Variants in LYRM4 observed in about 807,000 individuals in gnomAD.
LYRM4 encodes LYR motif-containing protein 4.
LYRM4 carries 9 observed loss-of-function variants against 11.7 expected under a neutral mutation model. The ratio of observed to expected loss-of-function variants is 0.77; its 90% CI spans 0.46 to 1.34. The LOEUF (loss-of-function observed/expected upper bound fraction) is 1.34, where lower values mean the gene tolerates loss of function less well. LYRM4 is among the 40% of genes most tolerant of loss of function. The pLI is 0.00. For synonymous variants in LYRM4, 42 were observed against 40.4 expected, an observed-to-expected ratio of 1.04 and a Z score of -0.15; for missense variants, 133 against 112.5, an observed-to-expected ratio of 1.18 and a Z score of -0.82.
chr6:5,050,413 C>T, the LYRM4 span, among the ~76,000 whole-genome samples: 12 of 151,244 alleles, frequency 7.9e-5, no homozygotes, highest in African/African-American at 2.7e-4. Flanking sequence ...GGTGTAGACA[C>T]GGAGGTGAGC....
rs568258726 is a variant in LYRM4, at chr6:5,251,619, G to A, written c.86+9029C>T. Among the ~76,000 whole-genome samples, 3 of 152,290 alleles carry A rather than the reference G, an allele frequency of 2.0e-5. No homozygotes were observed. In the East Asian group the frequency reaches 5.8e-4, roughly 29 times the overall value. ...TGAGGACAGTACCAAGGGGAATGGT[G>A]CTAAACTATTCATGAGAAACCTGCC... is the stretch of plus-strand genomic sequence containing the variant. On this transcript the variant is annotated intron_variant, in intron 1 of 2. Coordinates refer to ENST00000330636, the MANE Select transcript of LYRM4 (RefSeq NM_020408.6).
At chr6:5,190,863 C>T (rs1760711195) in intron 2 of LYRM4, among the ~76,000 whole-genome samples, 1 of 152,132 alleles carries the variant, frequency 6.6e-6, no homozygotes, top group Non-Finnish European at 1.5e-5. Flanking sequence ...GAGCCCGTGG[C>T]TTCAGGAACT....
chr6:5,149,777 C>T (rs763527606), intron 2 of LYRM4, among the ~76,000 whole-genome samples: 3 of 152,178 alleles, frequency 2.0e-5, no homozygotes, highest in Non-Finnish European at 4.4e-5. Flanking sequence ...ACATCAGATA[C>T]ACAATTCCAC....
intron 1 of LYRM4, among the ~76,000 whole-genome samples, chr6:5,222,928 A>C (rs1200026781): frequency 6.6e-6 from 1 of 152,214 alleles, no homozygotes; most frequent in Non-Finnish European, 1.5e-5. Flanking sequence ...CCTTCAGAAT[A>C]GGGCAAAGGT....
rs188878217 is a variant in LYRM4, at chr6:5,191,109, T to A, written c.207+25509A>T. On this transcript the variant is annotated intron_variant, in intron 2 of 2. Transcript: ENST00000330636. ...GCAACACTGTAATAGAAAAAAAAATTAGGGACCAAGTAAATATTCAACATT... is the reference window on the plus strand; with the variant it reads ...GCAACACTGTAATAGAAAAAAAAATAAGGGACCAAGTAAATATTCAACATT... Among the ~76,000 whole-genome samples the A allele has an allele frequency of 9.2e-5, 14 of 152,086 alleles. No homozygotes were observed. The East Asian group carries it at 2.7e-3, about 29-fold the overall frequency.
At chr6:5,185,803 T>C (rs1466427493) in intron 2 of LYRM4, among the ~76,000 whole-genome samples, 2 of 152,006 alleles carry the variant, frequency 1.3e-5, no homozygotes, top group African/African-American at 2.4e-5. Context: ...AGGTGTGTCA[T>C]GGCGGTGGAT....
chr6:5,067,063 C>A, the LYRM4 span: 5 of 341,784 alleles, frequency 1.5e-5, no homozygotes, highest in Non-Finnish European at 2.7e-5. Flanking sequence ...TTAATTATAT[C>A]ATTGAAACAT....
At chr6:5,089,524 A>C in the LYRM4 span, 1 of 152,262 alleles carries the variant, frequency 6.6e-6, no homozygotes, top group African/African-American at 2.4e-5. Flanking sequence ...ATGGTAACCC[A>C]TTAAATCTGG....
At chr6:5,229,241 A>T (rs1029192426) in intron 1 of LYRM4, among the ~76,000 whole-genome samples, 8 of 152,174 alleles carry the variant, frequency 5.3e-5, no homozygotes, top group African/African-American at 1.9e-4. Flanking sequence ...GAAGTTTGAG[A>T]AGAGCCTCGT....
chr6:5,256,892 T>A (rs1021463940), intron 1 of LYRM4, among the ~76,000 whole-genome samples: 2 of 152,192 alleles, frequency 1.3e-5, no homozygotes, highest in East Asian at 3.8e-4. Context: ...CTGGATGCCA[T>A]TCTAGACTCT....
the LYRM4 span, among the ~76,000 whole-genome samples, chr6:5,063,281 C>T: frequency 1.3e-5 from 2 of 152,016 alleles, no homozygotes; most frequent in East Asian, 1.9e-4. Flanking sequence ...TTCTGTGCAC[C>T]GAGACCTGGC....
chr6:5,197,794 T>C (rs1329596312), intron 2 of LYRM4, among the ~76,000 whole-genome samples: 1 of 152,156 alleles, frequency 6.6e-6, no homozygotes, highest in Non-Finnish European at 1.5e-5. Flanking sequence ...CAAGGTCACA[T>C]TTCCTATGTG....
the LYRM4 span, among the ~76,000 whole-genome samples, chr6:5,036,325 CA>C: frequency 6.6e-6 from 1 of 152,122 alleles, no homozygotes; most frequent in Non-Finnish European, 1.5e-5. Flanking sequence ...TAGGCTCTTC[CA>C]GGTTAGCCTA....
the LYRM4 span, among the ~76,000 whole-genome samples, chr6:5,047,034 G>A: frequency 6.6e-6 from 1 of 152,126 alleles, no homozygotes; most frequent in Non-Finnish European, 1.5e-5. Flanking sequence ...TGAGGTTTCA[G>A]TAAGCCATGA....
intron 2 of LYRM4, among the ~76,000 whole-genome samples, chr6:5,117,349 G>A (rs750306269): frequency 2.0e-4 from 31 of 152,198 alleles, no homozygotes; most frequent in Admixed American, 5.2e-4. Context: ...GAGGTCAAGA[G>A]ATTGAGACCA....
rs572263163 is a variant in LYRM4, at chr6:5,136,614, A to C, written c.208-27123T>G. 2.1e-4 allele frequency: 211 copies of C among 985,376 alleles called. 1 individual carries two copies. In the African/African-American group the frequency reaches 2.7e-3, roughly 13 times the overall value. The allele number at this position is 985,376 out of a possible 1,614,324, so 61.0% of individuals were successfully genotyped here. On this transcript the variant is annotated intron_variant, in intron 2 of 2. Coordinates refer to ENST00000330636, the MANE Select transcript of LYRM4 (RefSeq NM_020408.6). ...ACACAGCTTTCAATTAATGGCTTCT[A>C]GTAATCGATTACTTCCATTTCAACA... is the stretch of plus-strand genomic sequence containing the variant.
At chr6:5,178,207 T>C (rs1257808419) in intron 2 of LYRM4, among the ~76,000 whole-genome samples, 1 of 152,160 alleles carries the variant, frequency 6.6e-6, no homozygotes, top group Non-Finnish European at 1.5e-5. Context: ...GTTGCATCCT[T>C]TGAGGGTAGA....
chr6:5,066,616 G>A, the LYRM4 span: 10 of 1,202,168 alleles, frequency 8.3e-6, no homozygotes, highest in South Asian at 2.4e-5. Context: ...TCACTTTCAA[G>A]GGCAACCACT....
the LYRM4 span, among the ~76,000 whole-genome samples, chr6:5,068,690 A>T: frequency 1.3e-5 from 2 of 152,170 alleles, no homozygotes; most frequent in Non-Finnish European, 2.9e-5. This position sits in a 1 kb window ranked among gnomAD's most constrained non-coding sequence, Gnocchi z 4.0. Flanking sequence ...AAAGCAGAGG[A>T]GGGGAGTCTG....
Sources: allele counts gnomAD v4.1 joint callset (sites outside exome capture counted in the v4.1 genomes callset), GRCh38; gene constraint gnomAD v4.1.1; non-coding constraint Gnocchi (gnomAD v3.1); transcripts MANE v1.5; gene names NCBI Gene and HGNC (gene_info 2026-07-23, HGNC 2026-07-21).